DAB1: variants seen among roughly 807,000 people sequenced by gnomAD.
DAB1 encodes the protein disabled homolog 1.
A neutral mutation model predicts 64.6 loss-of-function variants in DAB1; 15 were observed. The observed-to-expected ratio is 0.23, with a 90% CI of 0.16 to 0.36. The LOEUF (loss-of-function observed/expected upper bound fraction) is 0.36, where lower values mean the gene tolerates loss of function less well. Ranked by LOEUF, DAB1 falls within the 10% of genes least tolerant of loss-of-function variation. DAB1 has a pLI of 1.00. For synonymous variants in DAB1, 235 were observed against 251.9 expected, an observed-to-expected ratio of 0.93 and a Z score of 0.64; for missense variants, 596 against 706.7, an observed-to-expected ratio of 0.84 and a Z score of 1.78.
intron 2 of DAB1, among the ~76,000 whole-genome samples, chr1:57,189,586 CT>C (rs1282329354): frequency 2.6e-5 from 4 of 152,136 alleles, no homozygotes; most frequent in Non-Finnish European, 5.9e-5. Flanking sequence ...CCTGAGCCCC[CT>C]GTCATCTCTG....
chr1:57,585,078 G>T (rs902834488), intron 7 of DAB1, among the ~76,000 whole-genome samples: 3 of 151,758 alleles, frequency 2.0e-5, no homozygotes, highest in Admixed American at 6.6e-5. Context: ...TTGAAACCTC[G>T]TCTCTACTAA....
chr1:57,649,097 C>T (rs74077749), intron 7 of DAB1, among the ~76,000 whole-genome samples: 3,257 of 152,282 alleles, frequency 0.021, 115 homozygotes, highest in African/African-American at 0.075. Context: ...CCTTTATGCT[C>T]GTAAATCTCC....
At chr1:58,365,913 G>A (rs1469979819) in intron 3 of DAB1, among the ~76,000 whole-genome samples, 1 of 152,114 alleles carries the variant, frequency 6.6e-6, no homozygotes, top group Non-Finnish European at 1.5e-5. Context: ...TCCAAGAAAG[G>A]AGGAGACAAG....
At chr1:58,532,044 CAAAAT>C (rs1028768137) in intron 1 of DAB1, among the ~76,000 whole-genome samples, 1 of 151,764 alleles carries the variant, frequency 6.6e-6, no homozygotes, top group African/African-American at 2.4e-5. Flanking sequence ...AAGTGAAACT[CAAAAT>C]AAGGAAGTTG....
chr1:57,871,534 C>A (rs1296387170), intron 1 of DAB1, among the ~76,000 whole-genome samples: 1 of 152,118 alleles, frequency 6.6e-6, no homozygotes, highest in African/African-American at 2.4e-5. Flanking sequence ...TAAACTTCAG[C>A]AAGGTTAAGT....
At chr1:58,309,049 T>G (rs1463164678) in intron 4 of DAB1, among the ~76,000 whole-genome samples, 2 of 152,186 alleles carry the variant, frequency 1.3e-5, no homozygotes, top group Non-Finnish European at 2.9e-5. Flanking sequence ...GGAATTGAGC[T>G]GAAGAAGAAA....
intron 7 of DAB1, among the ~76,000 whole-genome samples, chr1:57,596,805 T>C (rs1645515527): frequency 6.6e-6 from 1 of 152,234 alleles, no homozygotes; most frequent in South Asian, 2.1e-4. Context: ...AGCGCGTGGA[T>C]AGAATAGGAG....
intron 1 of DAB1, among the ~76,000 whole-genome samples, chr1:57,347,056 C>T (rs1678169019): frequency 6.6e-6 from 1 of 152,092 alleles, no homozygotes; most frequent in Non-Finnish European, 1.5e-5. Flanking sequence ...ATGATATCAA[C>T]CAGAGGAAGG....
intron 4 of DAB1, among the ~76,000 whole-genome samples, chr1:58,331,510 G>T (rs1181132345): frequency 6.6e-6 from 1 of 152,158 alleles, no homozygotes; most frequent in African/African-American, 2.4e-5. Flanking sequence ...ATGCTACAGA[G>T]AAATATTTCA....
At chr1:57,397,107 A>C (rs1456770464) in intron 1 of DAB1, among the ~76,000 whole-genome samples, 1 of 152,194 alleles carries the variant, frequency 6.6e-6, no homozygotes, top group African/African-American at 2.4e-5. Context: ...CAATGTAAGG[A>C]TCCTCTACAG....
intron 5 of DAB1, among the ~76,000 whole-genome samples, chr1:58,124,447 T>C (rs1652941084): frequency 1.3e-5 from 2 of 152,176 alleles, no homozygotes; most frequent in African/African-American, 4.8e-5. Flanking sequence ...TTAGGGGCTG[T>C]ATGTGTCAGG....
chr1:58,137,323 G>T (rs770991360), intron 5 of DAB1, among the ~76,000 whole-genome samples: 41 of 152,108 alleles, frequency 2.7e-4, no homozygotes, highest in Non-Finnish European at 4.4e-5. Context: ...CAAAAGTTTG[G>T]CCTGGAACCT....
chr1:58,233,302 T>G (rs144187929), intron 4 of DAB1, among the ~76,000 whole-genome samples: 75 of 152,290 alleles, frequency 4.9e-4, no homozygotes, highest in Middle Eastern at 3.4e-3. Context: ...ACTTGATGAG[T>G]AGGTATCATT....
intron 2 of DAB1, among the ~76,000 whole-genome samples, chr1:58,512,601 G>A (rs563580657): frequency 2.6e-5 from 4 of 152,188 alleles, no homozygotes; most frequent in South Asian, 2.1e-4. Flanking sequence ...GCAACAATAC[G>A]GATAAACCTT....
intron 5 of DAB1, among the ~76,000 whole-genome samples, chr1:58,105,945 T>C (rs370488525): frequency 1.8e-4 from 27 of 152,320 alleles, no homozygotes; most frequent in East Asian, 1.5e-3. Context: ...ATGATGGGCC[T>C]GGCACTGGGA....
chr1:58,481,987 T>C (rs895129242), intron 3 of DAB1, among the ~76,000 whole-genome samples: 1 of 152,200 alleles, frequency 6.6e-6, no homozygotes, highest in Admixed American at 6.5e-5. Flanking sequence ...CTAATATACT[T>C]AGAAAAGTAA....
At position 57,406,352 on chromosome 1, in the gene DAB1, A is replaced by G. The variant is rs370663145; in HGVS notation, c.-137+17578T>C. 6.6e-5 allele frequency among the ~76,000 whole-genome samples: 10 copies of G among 152,214 alleles called. No homozygotes were observed. The East Asian group carries it at 1.5e-3, about 24-fold the overall frequency. ...TATATCTTATTTTTTACTTCGACAA[A>G]TATCTCTTTGGTTGTACTTAGCCAC... On this transcript the variant is annotated intron_variant, in intron 1 of 14. Coordinates refer to ENST00000371236, the MANE Select transcript of DAB1 (RefSeq NM_001365792.1).
chr1:57,812,786 A>G (rs1651689009), intron 6 of DAB1, among the ~76,000 whole-genome samples: 1 of 152,232 alleles, frequency 6.6e-6, no homozygotes, highest in South Asian at 2.1e-4. Flanking sequence ...ATTTTAGCTC[A>G]CTTGAGGCTC....
chr1:58,321,807 C>T (rs937876411), intron 4 of DAB1, among the ~76,000 whole-genome samples: 1 of 152,220 alleles, frequency 6.6e-6, no homozygotes, highest in African/African-American at 2.4e-5. Context: ...GGCCTGCTGC[C>T]TCTGTAGACC....
Sources: allele counts gnomAD v4.1 joint callset (sites outside exome capture counted in the v4.1 genomes callset), GRCh38; gene constraint gnomAD v4.1.1; transcripts MANE v1.5; gene names NCBI Gene and HGNC (gene_info 2026-07-23, HGNC 2026-07-21).